VAV2: variants seen among roughly 807,000 people sequenced by gnomAD.
VAV2 encodes guanine nucleotide exchange factor VAV2.
VAV2 carries 67 observed loss-of-function variants against 132.5 expected under a neutral mutation model. The observed-to-expected ratio is 0.51, with a 90% CI of 0.42 to 0.62. The LOEUF is 0.62. Among genes scored for constraint, VAV2 ranks in the 20% least tolerant of loss-of-function variants. The pLI is 0.00. For synonymous variants in VAV2, 492 were observed against 443.5 expected (o/e 1.11, Z -1.37); for missense variants, 938 against 1,153.6 (o/e 0.81, Z 2.71).
chr9:133,895,892 G>T (rs1839179278), intron 2 of VAV2, among the ~76,000 whole-genome samples: 2 of 150,754 alleles, frequency 1.3e-5, no homozygotes, highest in East Asian at 1.9e-4. Context: ...GAGTTGTCTG[G>T]TTCTCGGCCT....
Position 133,768,634 on chromosome 9 carries a change from A to G in VAV2, c.2435-38T>C. 1 of 1,600,198 alleles carries G rather than the reference A, an allele frequency of 6.2e-7. No individual in the cohort carries two copies. The highest frequency in any genetic ancestry group is 1.3e-5 in the African/African-American group (1 of 74,710). ...ATGGGCAGCATCACACAGCTGCAGG[A>G]GGAGCCCAACCAGTGATCCAGGAGG... On this transcript the variant is annotated intron_variant, in intron 28 of 29. Coordinates refer to ENST00000371850, the MANE Select transcript of VAV2 (RefSeq NM_001134398.2). This position sits in a 1 kb window ranked among gnomAD's most constrained non-coding sequence, Gnocchi z 5.3.
Position 133,768,273 on chromosome 9 carries a change from C to G in VAV2, c.2589+169G>C. On this transcript the variant is annotated intron_variant, in intron 29 of 29. Transcript: ENST00000371850. The surrounding 1 kb of genome is among the most constrained non-coding windows in gnomAD (Gnocchi z 5.3). ...GTAAACATCTGGAGCCTCGGTTTCC[C>G]CCTGTGAATGCCAACCTTCTGGGCT... 6.6e-6 allele frequency among the ~76,000 whole-genome samples: 1 copy of G among 152,232 alleles called. No individual in the cohort carries two copies. Among genetic ancestry groups the G allele is most frequent in the East Asian group, 1.9e-4 (1 of 5,168 alleles).
chr9:133,839,214 T>C (rs1396879037), intron 3 of VAV2, among the ~76,000 whole-genome samples: 1 of 151,616 alleles, frequency 6.6e-6, no homozygotes, highest in Non-Finnish European at 1.5e-5. Context: ...ATAAATGGGT[T>C]GTCGGGTGGC....
chr9:133,827,696 G>C lies in VAV2; in HGVS notation c.449+6576C>G, dbSNP rs112331083. Among the ~76,000 whole-genome samples the C allele has an allele frequency of 8.0e-3, 160 of 19,952 alleles. 12 individuals are homozygous for C. Among genetic ancestry groups the C allele is most frequent in the Middle Eastern group, 0.031 (1 of 32 alleles). The allele number at this position is 19,952 out of a possible 152,430, so 13.1% of individuals were successfully genotyped here. ...TGACCACTGAGCACGGGCATCGCCA[G>C]CTACCGCTGCGCCCACTGGGGCTGA... On this transcript the variant is annotated intron_variant, in intron 4 of 29. Coordinates refer to ENST00000371850, the MANE Select transcript of VAV2 (RefSeq NM_001134398.2).
intron 2 of VAV2, among the ~76,000 whole-genome samples, chr9:133,881,418 G>A (rs2131939410): frequency 6.6e-6 from 1 of 152,366 alleles, no homozygotes; most frequent in African/African-American, 2.4e-5. Context: ...TCAGGGGCCT[G>A]GGTGACAGGA....
intron 2 of VAV2, among the ~76,000 whole-genome samples, chr9:133,876,554 T>A (rs954186337): frequency 1.3e-5 from 2 of 152,196 alleles, no homozygotes; most frequent in Admixed American, 1.3e-4. Flanking sequence ...CGGAGGCCTG[T>A]CGGACACAGG....
chr9:133,974,886 C>T (rs988654598), intron 1 of VAV2, among the ~76,000 whole-genome samples: 7 of 152,182 alleles, frequency 4.6e-5, no homozygotes, highest in African/African-American at 1.7e-4. Context: ...CAAGAACCTC[C>T]AATCTCTCAG....
rs553374133 is a variant in VAV2, at chr9:133,808,854, A to G, written c.666+186T>C. Among the ~76,000 whole-genome samples the G allele has an allele frequency of 2.0e-5, 3 of 152,322 alleles. No homozygotes were observed. In the East Asian group the frequency reaches 5.8e-4, roughly 29 times the overall value. On this transcript the variant is annotated intron_variant, in intron 7 of 29. Coordinates refer to ENST00000371850, the MANE Select transcript of VAV2 (RefSeq NM_001134398.2). ...CGGGACTTCAGGGGCTTCAGAGGAA[A>G]GGAGAGGGCACCCTCCTTTTGGGTA... is the stretch of plus-strand genomic sequence containing the variant.
chr9:133,853,079 C>T (rs560028582), intron 3 of VAV2, among the ~76,000 whole-genome samples: 22 of 152,254 alleles, frequency 1.4e-4, no homozygotes, highest in Middle Eastern at 3.4e-3. Flanking sequence ...TGGATTCCAG[C>T]CGCCAGCCAC....
intron 12 of VAV2, among the ~76,000 whole-genome samples, chr9:133,792,308 A>G (rs1188515957): frequency 5.7e-4 from 41 of 71,696 alleles, no homozygotes; most frequent in African/African-American, 7.0e-4. Flanking sequence ...TGGGTGGGGT[A>G]TGTGTGTGTG....
At position 133,834,902 on chromosome 9, in the gene VAV2, C is replaced by T. The variant is rs1446695662; in HGVS notation, c.381-562G>A. On this transcript the variant is annotated intron_variant, in intron 3 of 29. Coordinates refer to ENST00000371850, the MANE Select transcript of VAV2 (RefSeq NM_001134398.2). This position sits in a 1 kb window ranked among gnomAD's most constrained non-coding sequence, Gnocchi z 5.9. ...GAGAGTCCCGAAAATGAAAAGCCCT[C>T]GGACCTTCCGCCTGGATCCACAGCC... Among the ~76,000 whole-genome samples the T allele has an allele frequency of 2.6e-5, 4 of 152,168 alleles. No individual in the cohort carries two copies. The highest frequency in any genetic ancestry group is 4.8e-5 in the African/African-American group (2 of 41,450).
chr9:133,864,010 T>C (rs892439781), intron 2 of VAV2, among the ~76,000 whole-genome samples: 1 of 152,130 alleles, frequency 6.6e-6, no homozygotes, highest in Non-Finnish European at 1.5e-5. Context: ...GACAGAGAGC[T>C]GGGTGTCCCC....
At chr9:133,805,481 T>C (rs1483090137) in intron 9 of VAV2, among the ~76,000 whole-genome samples, 9 of 146,830 alleles carry the variant, frequency 6.1e-5, no homozygotes, top group Non-Finnish European at 1.1e-4. Flanking sequence ...GCCTGGGCAT[T>C]GTCTAACCCC....
rs969790843 is a variant in VAV2 at position 133,912,608 on chromosome 9, G to A, written c.321+26495C>T. Among the ~76,000 whole-genome samples the A allele has an allele frequency of 7.2e-5, 11 of 152,074 alleles. No homozygotes were observed. Among genetic ancestry groups the A allele is most frequent in the South Asian group, 6.2e-4 (3 of 4,806 alleles). ...TTGCTTCTCTGCCCATTTCAATCGC[G>A]GAACACAAATTACACGTGTGATGCT... On this transcript the variant is annotated intron_variant, in intron 2 of 29. Coordinates refer to ENST00000371850, the MANE Select transcript of VAV2 (RefSeq NM_001134398.2). The surrounding 1 kb of genome is among the most constrained non-coding windows in gnomAD (Gnocchi z 4.3).
chr9:133,846,086 G>A (rs1366346104), intron 3 of VAV2, among the ~76,000 whole-genome samples: 1 of 152,224 alleles, frequency 6.6e-6, no homozygotes, highest in East Asian at 1.9e-4. Context: ...AAGCTGTGCT[G>A]AAGCTCCCGA....
In VAV2 at chr9:133,928,950, G is replaced by A. The variant is rs1205597973; in HGVS notation, c.321+10153C>T. Among the ~76,000 whole-genome samples the A allele has an allele frequency of 1.3e-5, 2 of 152,086 alleles. No homozygotes were observed. Among genetic ancestry groups the A allele is most frequent in the Non-Finnish European group, 2.9e-5 (2 of 68,020 alleles). On this transcript the variant is annotated intron_variant, in intron 2 of 29. Coordinates refer to ENST00000371850, the MANE Select transcript of VAV2 (RefSeq NM_001134398.2). The surrounding 1 kb of genome is among the most constrained non-coding windows in gnomAD (Gnocchi z 5.4). ...AGGGTCATCACCCACGTGCTCAAAC[G>A]CGGCTGGTACAATCACAGCACCACT...
chr9:133,931,480 T>C (rs62576884), intron 2 of VAV2, among the ~76,000 whole-genome samples: 5 of 42,140 alleles, frequency 1.2e-4, no homozygotes, highest in Non-Finnish European at 3.6e-4. Context: ...TCTCCCCTCC[T>C]TTCTTCCCTC....
intron 16 of VAV2, among the ~76,000 whole-genome samples, chr9:133,786,341 TGAGCTCTCCTGTGG>T (rs1834223035): frequency 6.6e-6 from 1 of 150,422 alleles, no homozygotes; most frequent in South Asian, 2.1e-4. Flanking sequence ...CCATGCTGTG[TGAGCTCTCCTGTGG>T]GTGCTCTCCT....
intron 8 of VAV2, 58 bp from the exon 9 acceptor site, chr9:133,806,239 C>T (rs954967638): frequency 1.8e-5 from 27 of 1,535,982 alleles, no homozygotes; most frequent in African/African-American, 2.7e-5. Context: ...TAGACGGGAG[C>T]GCCGCCCTTA....
Sources: gnomAD v4.1 joint callset for allele counts (sites outside exome capture counted in the v4.1 genomes callset) on GRCh38, gnomAD v4.1.1 for gene constraint, Gnocchi (gnomAD v3.1) non-coding constraint, MANE v1.5 for transcripts, NCBI Gene and HGNC (gene_info 2026-07-23, HGNC 2026-07-21) for gene names.